The following HMCN1 variants were observed in gnomAD, a reference collection of about 807,000 sequenced individuals.
HMCN1 encodes the protein hemicentin 1, also known as hemicentin-1.
In HMCN1, 321 loss-of-function variants were observed where a neutral mutation model predicts 625.9. The observed-to-expected ratio is 0.51, with a 90% CI of 0.47 to 0.56. The LOEUF (loss-of-function observed/expected upper bound fraction) is 0.56, where lower values mean the gene tolerates loss of function less well. Among genes scored for constraint, HMCN1 ranks in the 20% least tolerant of loss-of-function variants. HMCN1 has a pLI of 0.00. For synonymous variants in HMCN1, 2,425 were observed against 2,417.6 expected, an observed-to-expected ratio of 1.00 and a Z score of -0.09; for missense variants, 6,588 against 6,887.3, an observed-to-expected ratio of 0.96 and a Z score of 1.54.
Position 185,861,967 on chromosome 1 carries a change from T to C in HMCN1, c.340-2503T>C, listed in dbSNP as rs935837687. Among the ~76,000 whole-genome samples the C allele has an allele frequency of 5.3e-5, 8 of 152,322 alleles. No individual in the cohort carries two copies. In the East Asian group the frequency reaches 1.5e-3, roughly 29 times the overall value. On this transcript the variant is annotated intron_variant, in intron 2 of 106. Coordinates refer to ENST00000271588, the MANE Select transcript of HMCN1 (RefSeq NM_031935.3). ...GTGAGCTTATACAATAATGGAAGAA[T>C]TTAGACATGCATATTTTGTTGAGAA...
chr1:185,827,210 T>G (rs1445882602), intron 1 of HMCN1, among the ~76,000 whole-genome samples: 1 of 115,646 alleles, frequency 8.6e-6, no homozygotes, highest in Admixed American at 8.4e-5. Context: ...GCAAGAAAAA[T>G]ATGAGGAAAT....
At position 186,145,867 on chromosome 1, in the gene HMCN1, G is replaced by A. The variant is rs371379852; in HGVS notation, c.14552G>A (p.Arg4851His). ...CDHPVPVKGGRPCPGDTTQVT... is the reference protein window; with the variant it reads ...CDHPVPVKGGHPCPGDTTQVT... The stretch of plus-strand genomic sequence containing the variant: ...CATCCTGTGCCAGTTAAAGGTGGCC[G>A]TCCCTGTCCCGGAGACACTACTCAG... The change falls in exon 93 of 107, where the codon CGT (arginine) becomes CAT (histidine). Residue 4851 changes from arginine to histidine, a missense_variant. Around this residue, in one of 3 missense-constraint regions of HMCN1, gnomAD observed 1,954 missense variants for 2,013.1 expected, o/e 0.97. Transcript: ENST00000271588. 60 of 1,613,888 alleles carry A rather than the reference G, an allele frequency of 3.7e-5. No individual in the cohort carries two copies. The highest frequency in any genetic ancestry group is 1.6e-4 in the Middle Eastern group (1 of 6,084).
At chr1:186,181,968 T>G (rs1652961093) in intron 104 of HMCN1, among the ~76,000 whole-genome samples, 200 bp from the exon 105 acceptor site, 1 of 152,214 alleles carries the variant, frequency 6.6e-6, no homozygotes, top group Non-Finnish European at 1.5e-5. Flanking sequence ...TATAGTACTG[T>G]GTATATAGTA....
intron 8 of HMCN1, among the ~76,000 whole-genome samples, chr1:185,924,011 G>A (rs1235755168): frequency 6.6e-6 from 1 of 152,100 alleles, no homozygotes; most frequent in Non-Finnish European, 1.5e-5. Flanking sequence ...GAAACTTTCT[G>A]CTCCATAGAT....
intron 55 of HMCN1, among the ~76,000 whole-genome samples, chr1:186,078,898 A>ACTT (rs1658994196): frequency 6.6e-6 from 1 of 152,230 alleles, no homozygotes; most frequent in African/African-American, 2.4e-5. Context: ...GTGACATAAC[A>ACTT]ATTAACATAG....
chr1:185,997,535 C>T lies in HMCN1; in HGVS notation c.3874+11C>T. ...CATGTCCTGCAAAAGGTACGTAATA[C>T]TGAAAGATATAGGCATTGGCATAAT... On this transcript the variant is annotated intron_variant, in intron 25 of 106. Transcript: ENST00000271588. 1 of 1,561,802 alleles carries T rather than the reference C, an allele frequency of 6.4e-7. No individual in the cohort carries two copies. The highest frequency in any genetic ancestry group is 8.8e-7 in the Non-Finnish European group (1 of 1,133,058).
intron 68 of HMCN1, among the ~76,000 whole-genome samples, chr1:186,098,122 A>C (rs558354181): frequency 1.3e-5 from 2 of 152,146 alleles, no homozygotes; most frequent in South Asian, 2.1e-4. Flanking sequence ...CAGAGGAAAC[A>C]CTTCATGATA....
At chr1:185,848,705 C>G (rs1179351424) in intron 2 of HMCN1, among the ~76,000 whole-genome samples, 1 of 152,086 alleles carries the variant, frequency 6.6e-6, no homozygotes, top group Non-Finnish European at 1.5e-5. Context: ...CTCCTTGTTA[C>G]CTTTGTGAAT....
chr1:185,972,946 G>C lies in HMCN1; in HGVS notation c.2371+2453G>C, dbSNP rs763370644. ...AGCAGATATAATATGTAAATGCTAAGAACCATGCAAATCACAGTTGCAGTG... is the reference window on the plus strand; with the variant it reads ...AGCAGATATAATATGTAAATGCTAACAACCATGCAAATCACAGTTGCAGTG... On this transcript the variant is annotated intron_variant, in intron 15 of 106. Coordinates refer to ENST00000271588, the MANE Select transcript of HMCN1 (RefSeq NM_031935.3). Among the ~76,000 whole-genome samples, 6 of 152,080 alleles carry C rather than the reference G, an allele frequency of 3.9e-5. No homozygotes were observed. The South Asian group carries it at 1.0e-3, about 26-fold the overall frequency.
intron 36 of HMCN1, among the ~76,000 whole-genome samples, chr1:186,034,518 C>T (rs1008103428): frequency 1.3e-5 from 2 of 152,114 alleles, no homozygotes; most frequent in African/African-American, 4.8e-5. Flanking sequence ...ATCTTGCAAA[C>T]AGGGATTTTC....
chr1:186,029,027 T>A (rs1003410941), intron 36 of HMCN1, among the ~76,000 whole-genome samples: 5 of 152,060 alleles, frequency 3.3e-5, no homozygotes, highest in Admixed American at 6.6e-5. Context: ...CCACTGTGCC[T>A]GGCCATATAA....
intron 28 of HMCN1, among the ~76,000 whole-genome samples, chr1:186,002,657 A>G (rs944348509): frequency 1.3e-5 from 2 of 151,860 alleles, no homozygotes; most frequent in Admixed American, 6.6e-5. Flanking sequence ...ATGACTCCCA[A>G]TTTTTTATCT....
chr1:185,982,788 A>G lies in HMCN1; in HGVS notation c.2790+399A>G, dbSNP rs190628978. Reference sequence around the variant, plus strand: ...AAGAAGTAATGTATTCCAATCACCAAAAGTATCGATTTAATAAATATACAA... The same window carrying G: ...AAGAAGTAATGTATTCCAATCACCAGAAGTATCGATTTAATAAATATACAA... On this transcript the variant is annotated intron_variant, in intron 18 of 106. Transcript: ENST00000271588. 2.3e-3 allele frequency among the ~76,000 whole-genome samples: 356 copies of G among 152,144 alleles called. 2 individuals are homozygous for G. Among genetic ancestry groups the G allele is most frequent in the Non-Finnish European group, 4.1e-3 (278 of 67,986 alleles).
Position 186,088,019 on chromosome 1 carries a change from C to A in HMCN1, c.9445+6C>A, listed in dbSNP as rs1362234281. 1 of 1,612,568 alleles carries A rather than the reference C, an allele frequency of 6.2e-7. No homozygotes were observed. The highest frequency in any genetic ancestry group is 8.5e-7 in the Non-Finnish European group (1 of 1,178,974). The stretch of plus-strand genomic sequence containing the variant: ...TTTCCACCTCAATGTATATGGTGAG[C>A]ATTTGCCTCTAATACAACTCTTTTT... On this transcript the variant is annotated splice_donor_region_variant and intron_variant, in intron 61 of 106. Coordinates refer to ENST00000271588, the MANE Select transcript of HMCN1 (RefSeq NM_031935.3).
intron 1 of HMCN1, among the ~76,000 whole-genome samples, chr1:185,807,792 T>C (rs1298794847): frequency 5.3e-5 from 8 of 152,192 alleles, no homozygotes; most frequent in Non-Finnish European, 1.0e-4. Flanking sequence ...TTTTTTTCCT[T>C]GCAGTCTGAA....
intron 1 of HMCN1, among the ~76,000 whole-genome samples, chr1:185,770,653 A>G (rs974572508): frequency 5.9e-5 from 9 of 152,200 alleles, no homozygotes; most frequent in Non-Finnish European, 7.3e-5. Flanking sequence ...CTTCAGCCCA[A>G]TAAACTGTTT....
chr1:186,039,030 A>G, intron 38 of HMCN1, 25 bp downstream of exon 38: 1 of 1,502,972 alleles, frequency 6.7e-7, no homozygotes, highest in Non-Finnish European at 9.3e-7. Flanking sequence ...ACCTAGATTC[A>G]TTCTGGGGTA....
intron 96 of HMCN1, among the ~76,000 whole-genome samples, chr1:186,153,502 A>G (rs1650799868): frequency 6.6e-6 from 1 of 152,176 alleles, no homozygotes; most frequent in African/African-American, 2.4e-5. Context: ...CTTAATTTCT[A>G]CAAACTTATT....
intron 57 of HMCN1, 114 bp downstream of exon 57, chr1:186,083,075 C>T (rs1005664896): frequency 4.3e-6 from 2 of 466,922 alleles, no homozygotes; most frequent in Non-Finnish European, 7.7e-6. Flanking sequence ...ATGTGAGGAG[C>T]CTATACTCAT....
Sources: gnomAD v4.1 joint callset for allele counts (sites outside exome capture counted in the v4.1 genomes callset) on GRCh38, gnomAD v4.1.1 for gene constraint, gnomAD v4.1.1 regional missense constraint, MANE v1.5 for transcripts, NCBI Gene and HGNC (gene_info 2026-07-23, HGNC 2026-07-21) for gene names.